MBD5: variants seen among roughly 807,000 people sequenced by gnomAD.
MBD5 encodes methyl-CpG binding domain protein 5, also known as methyl-CpG-binding domain protein 5.
In MBD5, 13 loss-of-function variants were observed where a neutral mutation model predicts 117.3. The observed-to-expected ratio is 0.11, with a 90% CI of 0.07 to 0.18. The LOEUF is 0.18. MBD5 is among the 10% of genes least tolerant of loss of function. The pLI is 1.00. For missense variants in MBD5, 1,879 were observed against 2,093.8 expected, an observed-to-expected ratio of 0.90 and a Z score of 2.00; for synonymous variants, 727 against 766.4, an observed-to-expected ratio of 0.95 and a Z score of 0.85.
In MBD5 at chr2:148,314,376, G is replaced by GTTTTTTT. The variant is rs67471940; in HGVS notation, c.-679-27825_-679-27819dup. Among the ~76,000 whole-genome samples the GTTTTTTT allele has an allele frequency of 9.4e-5, 10 of 106,598 alleles. 1 individual carries two copies. Among genetic ancestry groups the GTTTTTTT allele is most frequent in the Admixed American group, 2.2e-4 (2 of 8,898 alleles). The allele number at this position is 106,598 out of a possible 152,430, so 69.9% of individuals were successfully genotyped here. The stretch of plus-strand genomic sequence containing the variant: ...CAGCAATTAATGTTTCAGTGTTATG[G>GTTTTTTT]TTTTTTTTTTTTTTTTTTTGAGACA... On this transcript the variant is annotated intron_variant, in intron 3 of 13. Coordinates refer to ENST00000642680, the MANE Select transcript of MBD5 (RefSeq NM_001378120.1).
chr2:148,492,500 A>C (rs562124524), intron 11 of MBD5, among the ~76,000 whole-genome samples: 1 of 152,190 alleles, frequency 6.6e-6, no homozygotes, highest in African/African-American at 2.4e-5. Flanking sequence ...ATGTAATAAA[A>C]TATTAATGAT....
At chr2:148,390,228 G>A (rs532712006) in intron 4 of MBD5, among the ~76,000 whole-genome samples, 18 of 152,014 alleles carry the variant, frequency 1.2e-4, no homozygotes, top group Non-Finnish European at 2.4e-4. Flanking sequence ...TCAGTTGGAT[G>A]TAGGTGTGTG....
At chr2:148,195,067 G>GT (rs1305238116) in intron 2 of MBD5, among the ~76,000 whole-genome samples, 2 of 152,134 alleles carry the variant, frequency 1.3e-5, no homozygotes, top group Non-Finnish European at 2.9e-5. Context: ...AAACAAGTAG[G>GT]TATGTCTATG....
chr2:148,424,206 A>C (rs1341102022), intron 4 of MBD5, among the ~76,000 whole-genome samples: 3 of 145,586 alleles, frequency 2.1e-5, no homozygotes, highest in African/African-American at 5.1e-5. Flanking sequence ...AAAAAAAAAA[A>C]AAAAAAAAAA....
chr2:148,405,622 T>TA (rs1246651734), intron 4 of MBD5, among the ~76,000 whole-genome samples: 2 of 152,212 alleles, frequency 1.3e-5, no homozygotes, highest in African/African-American at 4.8e-5. Flanking sequence ...TCAAAGCACA[T>TA]AAGCGCTAAA....
intron 3 of MBD5, among the ~76,000 whole-genome samples, chr2:148,283,074 G>T (rs760673873): frequency 1.3e-5 from 2 of 152,030 alleles, no homozygotes; most frequent in African/African-American, 4.8e-5. Context: ...CACCTTACTG[G>T]ATGTCCATTT....
chr2:148,488,256 C>A (rs558953336), intron 10 of MBD5, among the ~76,000 whole-genome samples: 8 of 152,016 alleles, frequency 5.3e-5, no homozygotes, highest in African/African-American at 1.9e-4. Context: ...TTTCTCATTA[C>A]GTAAGATCAT....
At chr2:148,392,946 A>G (rs1704607620) in intron 4 of MBD5, among the ~76,000 whole-genome samples, 1 of 152,088 alleles carries the variant, frequency 6.6e-6, no homozygotes, top group Admixed American at 6.6e-5. Flanking sequence ...ATTTAATGTC[A>G]TTGCAAATTG....
At chr2:148,385,894 G>A (rs1344309790) in intron 4 of MBD5, among the ~76,000 whole-genome samples, 1 of 148,640 alleles carries the variant, frequency 6.7e-6, no homozygotes, top group Non-Finnish European at 1.5e-5. Context: ...CTCACTCATA[G>A]GTGGGAATTG....
chr2:148,226,365 TG>T (rs1465025219), intron 2 of MBD5, among the ~76,000 whole-genome samples: 3 of 152,170 alleles, frequency 2.0e-5, no homozygotes, highest in Non-Finnish European at 4.4e-5. Context: ...ATGTGGTGTT[TG>T]GTTTTTTGTC....
intron 3 of MBD5, among the ~76,000 whole-genome samples, chr2:148,263,818 A>C (rs909882337): frequency 7.2e-5 from 11 of 152,222 alleles, no homozygotes; most frequent in African/African-American, 2.7e-4. Flanking sequence ...TTCATTTTTC[A>C]ATGCTTTTTA....
intron 3 of MBD5, among the ~76,000 whole-genome samples, chr2:148,338,738 A>G (rs75227812): frequency 0.011 from 1,747 of 152,328 alleles, 18 homozygotes; most frequent in East Asian, 0.034. Context: ...ACCATGAGAC[A>G]TGAGTCAGGA....
intron 1 of MBD5, among the ~76,000 whole-genome samples, chr2:148,173,988 T>A (rs112819933): frequency 6.6e-5 from 10 of 152,062 alleles, no homozygotes; most frequent in African/African-American, 2.2e-4. Context: ...GCCAAAGCAA[T>A]CATGAGCAAA....
At chr2:148,184,543 T>G (rs1698605896) in intron 2 of MBD5, among the ~76,000 whole-genome samples, 1 of 152,212 alleles carries the variant, frequency 6.6e-6, no homozygotes, top group Non-Finnish European at 1.5e-5. Context: ...CTCTTGTTCT[T>G]ATTATATGCC....
chr2:148,112,604 T>G (rs966881238), intron 1 of MBD5, among the ~76,000 whole-genome samples: 2 of 152,230 alleles, frequency 1.3e-5, no homozygotes, highest in Admixed American at 1.3e-4. Flanking sequence ...TCTTAGGTGC[T>G]ATTTCTTCTC....
intron 1 of MBD5, among the ~76,000 whole-genome samples, chr2:148,120,093 T>C (rs1022769345): frequency 2.6e-5 from 4 of 152,106 alleles, no homozygotes; most frequent in Non-Finnish European, 5.9e-5. Context: ...ATTTTTATAT[T>C]TCTAGAGATG....
rs983959887 is a variant in MBD5 at position 148,254,127 on chromosome 2, G to A, written c.-680+20732G>A. Among the ~76,000 whole-genome samples, 49 of 152,186 alleles carry A rather than the reference G, an allele frequency of 3.2e-4. 1 individual carries two copies. The highest frequency in any genetic ancestry group is 4.4e-5 in the Non-Finnish European group (3 of 68,032). ...AGCTATGCCACTCATGACTATTAGG[G>A]CCCAGCATAGGCCAGAGCCTAGGGA... On this transcript the variant is annotated intron_variant, in intron 3 of 13. Transcript: ENST00000642680.
At chr2:148,427,771 C>G (rs188429233) in intron 4 of MBD5, among the ~76,000 whole-genome samples, 3 of 151,078 alleles carry the variant, frequency 2.0e-5, no homozygotes, top group Admixed American at 1.3e-4. Flanking sequence ...CAGATGTACC[C>G]TAAAACTTAA....
intron 4 of MBD5, among the ~76,000 whole-genome samples, chr2:148,418,596 T>C (rs1333113559): frequency 6.6e-6 from 1 of 152,048 alleles, no homozygotes; most frequent in Non-Finnish European, 1.5e-5. Flanking sequence ...AAGCTGAGGA[T>C]CAAATTGAGA....
Sources: gnomAD v4.1 joint callset for allele counts (sites outside exome capture counted in the v4.1 genomes callset) on GRCh38, gnomAD v4.1.1 for gene constraint, MANE v1.5 for transcripts, NCBI Gene and HGNC (gene_info 2026-07-23, HGNC 2026-07-21) for gene names.